GALNT13: variants seen among roughly 807,000 people sequenced by gnomAD.
GALNT13 encodes polypeptide N-acetylgalactosaminyltransferase 13.
GALNT13 carries 28 observed loss-of-function variants against 64.2 expected under a neutral mutation model. The ratio of observed to expected loss-of-function variants is 0.44; its 90% CI spans 0.32 to 0.60. The LOEUF (loss-of-function observed/expected upper bound fraction) is 0.60, where lower values mean the gene tolerates loss of function less well. Ranked by LOEUF, GALNT13 falls within the 20% of genes least tolerant of loss-of-function variation. The pLI is 0.05. For missense variants in GALNT13, 577 were observed against 669.8 expected, an observed-to-expected ratio of 0.86 and a Z score of 1.53; for synonymous variants, 214 against 224.6, an observed-to-expected ratio of 0.95 and a Z score of 0.42.
At chr2:153,090,301 T>C in the GALNT13 span, among the ~76,000 whole-genome samples, 2 of 152,168 alleles carry the variant, frequency 1.3e-5, no homozygotes, top group Admixed American at 1.3e-4. Flanking sequence ...CTGTGATTTG[T>C]CTTCAAGTCT....
At chr2:153,770,147 A>G in the GALNT13 span, among the ~76,000 whole-genome samples, 1 of 151,062 alleles carries the variant, frequency 6.6e-6, no homozygotes, top group African/African-American at 2.4e-5. Flanking sequence ...TTTTTTTCCT[A>G]TTTTTAGAGT....
chr2:153,119,109 A>G, the GALNT13 span, among the ~76,000 whole-genome samples: 3 of 152,132 alleles, frequency 2.0e-5, no homozygotes, highest in African/African-American at 7.2e-5. Flanking sequence ...CCCTTCTGCC[A>G]TGATTGTAAG....
chr2:153,742,005 A>G, the GALNT13 span, among the ~76,000 whole-genome samples: 1 of 152,144 alleles, frequency 6.6e-6, no homozygotes, highest in African/African-American at 2.4e-5. Context: ...TTTGTTCTCA[A>G]TGATTTTGAA....
chr2:153,643,264 G>A, the GALNT13 span, among the ~76,000 whole-genome samples: 1 of 151,384 alleles, frequency 6.6e-6, no homozygotes, highest in South Asian at 2.1e-4. Flanking sequence ...TAACTGTGAT[G>A]TACAAAAGAT....
At chr2:154,304,311 G>C (rs1250280801) in intron 9 of GALNT13, among the ~76,000 whole-genome samples, 1 of 152,172 alleles carries the variant, frequency 6.6e-6, no homozygotes, top group African/African-American at 2.4e-5. Flanking sequence ...AATTCAGCAA[G>C]AGCATGTAAT....
At chr2:154,200,422 C>T (rs1274403385) in intron 4 of GALNT13, among the ~76,000 whole-genome samples, 1 of 152,024 alleles carries the variant, frequency 6.6e-6, no homozygotes, top group African/African-American at 2.4e-5. Flanking sequence ...ATGCATTTCC[C>T]ATGAAGATTG....
chr2:154,086,953 AT>A (rs911622957), intron 3 of GALNT13, among the ~76,000 whole-genome samples: 2 of 151,230 alleles, frequency 1.3e-5, no homozygotes, highest in Admixed American at 6.6e-5. Context: ...TGTTGCCATC[AT>A]TTTTTTTTAT....
chr2:153,231,071 T>A, the GALNT13 span, among the ~76,000 whole-genome samples: 2 of 152,172 alleles, frequency 1.3e-5, no homozygotes, highest in African/African-American at 4.8e-5. Context: ...ATGTTGGGTG[T>A]TTTTCTTCCC....
At chr2:153,161,319 G>A in the GALNT13 span, among the ~76,000 whole-genome samples, 104,806 of 152,044 alleles carry the variant, frequency 0.69, 36,421 homozygotes, top group African/African-American at 0.77. Flanking sequence ...AGTATTAACC[G>A]CATGTCAGAT....
At chr2:154,198,425 C>T (rs1204772871) in intron 4 of GALNT13, among the ~76,000 whole-genome samples, 1 of 151,686 alleles carries the variant, frequency 6.6e-6, no homozygotes, top group East Asian at 1.9e-4. Context: ...ATAAAATTTA[C>T]TATTTTGGTC....
chr2:154,112,675 G>A (rs1177546429), intron 3 of GALNT13, among the ~76,000 whole-genome samples: 1 of 152,160 alleles, frequency 6.6e-6, no homozygotes, highest in Non-Finnish European at 1.5e-5. Flanking sequence ...TTGAAGTTCT[G>A]CCCACTGGGA....
chr2:154,082,832 T>C (rs1054972245), intron 3 of GALNT13, among the ~76,000 whole-genome samples: 5 of 152,074 alleles, frequency 3.3e-5, no homozygotes, highest in African/African-American at 4.8e-5. Flanking sequence ...GATGGATAGA[T>C]TGCAAAAATT....
chr2:153,106,103 A>T, the GALNT13 span, among the ~76,000 whole-genome samples: 1 of 152,158 alleles, frequency 6.6e-6, no homozygotes, highest in African/African-American at 2.4e-5. Context: ...AGGGTTAATT[A>T]AATAAAATGC....
At chr2:153,100,942 T>A in the GALNT13 span, among the ~76,000 whole-genome samples, 36,171 of 151,912 alleles carry the variant, frequency 0.24, 4,914 homozygotes, top group Non-Finnish European at 0.32. Context: ...GCCAGGAAAA[T>A]CGCTGGAACC....
chr2:153,195,587 G>A, the GALNT13 span, among the ~76,000 whole-genome samples: 7 of 152,166 alleles, frequency 4.6e-5, no homozygotes, highest in African/African-American at 1.7e-4. Context: ...GGAACTGCAG[G>A]GCCCCAAAGA....
In GALNT13 at chr2:154,076,140, T is replaced by C. The variant is rs1700977096; in HGVS notation, c.143-64197T>C. On this transcript the variant is annotated intron_variant, in intron 3 of 12. Transcript: ENST00000392825. Reference sequence around the variant, plus strand: ...TCATTATAGTACCCAATCTGAAAGATTAATTCCTATTGGAATTTTTAAAAT... The same window carrying C: ...TCATTATAGTACCCAATCTGAAAGACTAATTCCTATTGGAATTTTTAAAAT... Among the ~76,000 whole-genome samples, 5 of 151,686 alleles carry C rather than the reference T, an allele frequency of 3.3e-5. No individual in the cohort carries two copies. The Admixed American group carries it at 3.3e-4, about 10-fold the overall frequency.
chr2:153,598,886 T>G, the GALNT13 span, among the ~76,000 whole-genome samples: 46,686 of 151,898 alleles, frequency 0.31, 7,613 homozygotes, highest in South Asian at 0.44. Context: ...TTCTTTCAGT[T>G]GAAGGCAGGA....
the GALNT13 span, among the ~76,000 whole-genome samples, chr2:153,401,918 T>C: frequency 2.0e-5 from 3 of 151,542 alleles, no homozygotes; most frequent in East Asian, 1.9e-4. Context: ...GAGCATTTAG[T>C]CCATTTACAT....
chr2:154,368,210 T>G (rs1395955914), intron 9 of GALNT13, among the ~76,000 whole-genome samples: 1 of 152,194 alleles, frequency 6.6e-6, no homozygotes, highest in Non-Finnish European at 1.5e-5. Context: ...TTTCACAGAT[T>G]TGCTATCAGA....
Sources: gnomAD v4.1 joint callset for allele counts (sites outside exome capture counted in the v4.1 genomes callset) on GRCh38, gnomAD v4.1.1 for gene constraint, MANE v1.5 for transcripts, NCBI Gene and HGNC (gene_info 2026-07-23, HGNC 2026-07-21) for gene names.